The following CDH12 variants were observed in gnomAD, a reference collection of about 807,000 sequenced individuals.
CDH12 encodes the protein cadherin 12.
CDH12 carries 41 observed loss-of-function variants against 74.1 expected under a neutral mutation model. The ratio of observed to expected loss-of-function variants is 0.55; its 90% CI spans 0.43 to 0.72. The LOEUF (loss-of-function observed/expected upper bound fraction) is 0.72. Ranked by LOEUF, CDH12 falls within the 30% of genes least tolerant of loss-of-function variation. CDH12 has a pLI of 0.00. For synonymous variants in CDH12, 399 were observed against 355.0 expected (o/e 1.12, Z -1.39); for missense variants, 945 against 977.2 (o/e 0.97, Z 0.44).
intron 1 of CDH12, among the ~76,000 whole-genome samples, chr5:22,685,009 T>G (rs959288695): frequency 3.3e-5 from 5 of 152,120 alleles, no homozygotes; most frequent in Admixed American, 3.3e-4. Flanking sequence ...TAAAAATAGT[T>G]TTTTGGCAGA....
At chr5:22,653,087 A>T (rs796119007) in intron 1 of CDH12, among the ~76,000 whole-genome samples, 15 of 152,296 alleles carry the variant, frequency 9.8e-5, no homozygotes, top group African/African-American at 3.4e-4. Flanking sequence ...GATATGTCTT[A>T]GTCATATAGC....
intron 1 of CDH12, among the ~76,000 whole-genome samples, chr5:22,816,640 T>C (rs1021325343): frequency 3.3e-5 from 5 of 152,190 alleles, no homozygotes; most frequent in East Asian, 1.9e-4. Context: ...TTCCAACCAC[T>C]TTTAGCATTG....
intron 5 of CDH12, among the ~76,000 whole-genome samples, chr5:21,977,415 A>G (rs529382287): frequency 6.6e-6 from 1 of 152,106 alleles, no homozygotes; most frequent in African/African-American, 2.4e-5. Flanking sequence ...TTTGCTTTCA[A>G]ATTTATCTAA....
chr5:22,207,037 C>T (rs1369689092), intron 4 of CDH12, among the ~76,000 whole-genome samples: 1 of 150,826 alleles, frequency 6.6e-6, no homozygotes, highest in Non-Finnish European at 1.5e-5. Flanking sequence ...CATGGTGAAA[C>T]CCTGTCTCTA....
chr5:22,634,131 A>G (rs1029666590), intron 1 of CDH12, among the ~76,000 whole-genome samples: 4 of 152,172 alleles, frequency 2.6e-5, no homozygotes, highest in Non-Finnish European at 5.9e-5. Context: ...TCAAAATGAT[A>G]TACTAGAATT....
intron 6 of CDH12, among the ~76,000 whole-genome samples, chr5:21,891,572 T>TACACACACACACAC (rs66657734): frequency 0.14 from 20,253 of 144,906 alleles, 1,705 homozygotes; most frequent in Non-Finnish European, 0.19. Context: ...CACACACACA[T>TACACACACACACAC]ACACACACAC....
chr5:22,411,123 A>G (rs1743153058), intron 2 of CDH12, among the ~76,000 whole-genome samples: 1 of 152,036 alleles, frequency 6.6e-6, no homozygotes, highest in Non-Finnish European at 1.5e-5. Flanking sequence ...TATAATGGAA[A>G]TAAAGGCAAG....
rs533076749 is a variant in CDH12, at chr5:22,192,025, T to C, written c.-187+20473A>G. ...ATCTTGGCTCACAGCAACCTCTGCC[T>C]CCAGGATTCAAGTGATTCTCCTGAC... On this transcript the variant is annotated intron_variant, in intron 4 of 14. Coordinates refer to ENST00000382254, the MANE Select transcript of CDH12 (RefSeq NM_004061.5). Among the ~76,000 whole-genome samples, 8 of 152,246 alleles carry C rather than the reference T, an allele frequency of 5.3e-5. No homozygotes were observed. In the South Asian group the frequency reaches 1.7e-3, roughly 32 times the overall value.
At chr5:22,772,181 T>C (rs1335974587) in intron 1 of CDH12, among the ~76,000 whole-genome samples, 1 of 151,938 alleles carries the variant, frequency 6.6e-6, no homozygotes, top group Non-Finnish European at 1.5e-5. Flanking sequence ...GAAATCATAT[T>C]TAAGAAGAGA....
At chr5:22,708,506 A>T (rs1404885931) in intron 1 of CDH12, among the ~76,000 whole-genome samples, 1 of 152,146 alleles carries the variant, frequency 6.6e-6, no homozygotes, top group Non-Finnish European at 1.5e-5. Flanking sequence ...GGGTGGATGG[A>T]GTAAAAGGAA....
chr5:22,288,451 T>C (rs1737249009), intron 3 of CDH12, among the ~76,000 whole-genome samples: 1 of 152,208 alleles, frequency 6.6e-6, no homozygotes, highest in Non-Finnish European at 1.5e-5. Context: ...ATAATGTTTA[T>C]GTTTCTACAT....
intron 4 of CDH12, among the ~76,000 whole-genome samples, chr5:22,097,477 G>T (rs1406837113): frequency 6.6e-6 from 1 of 152,082 alleles, no homozygotes; most frequent in East Asian, 1.9e-4. Context: ...CCATAAATGT[G>T]GTAGGTATTG....
chr5:22,616,011 C>T (rs1561530409), intron 1 of CDH12, among the ~76,000 whole-genome samples: 2 of 152,108 alleles, frequency 1.3e-5, no homozygotes, highest in East Asian at 3.9e-4. Flanking sequence ...TTCTCACTGC[C>T]TTAAACTGAT....
chr5:22,156,310 A>G (rs1165169327), intron 4 of CDH12, among the ~76,000 whole-genome samples: 11 of 152,154 alleles, frequency 7.2e-5, no homozygotes, highest in Non-Finnish European at 1.6e-4. Context: ...AAAGAGAGGT[A>G]CACTTAAATT....
chr5:22,300,068 T>A (rs1485476949), intron 3 of CDH12, among the ~76,000 whole-genome samples: 1 of 152,168 alleles, frequency 6.6e-6, no homozygotes, highest in Non-Finnish European at 1.5e-5. Flanking sequence ...TAGACTGAAA[T>A]CAAGTTAGAA....
intron 2 of CDH12, among the ~76,000 whole-genome samples, chr5:22,421,822 T>G (rs1342327176): frequency 6.6e-6 from 1 of 152,196 alleles, no homozygotes; most frequent in Admixed American, 6.5e-5. Context: ...AAAGCATTCC[T>G]GTTTCCCCAC....
chr5:21,950,557 A>C (rs1755804756), intron 6 of CDH12, among the ~76,000 whole-genome samples: 1 of 151,676 alleles, frequency 6.6e-6, no homozygotes, highest in Non-Finnish European at 1.5e-5. Flanking sequence ...AAAAACAAAA[A>C]TCAAAAACGA....
intron 1 of CDH12, among the ~76,000 whole-genome samples, chr5:22,530,365 CAT>C (rs1737532299): frequency 6.6e-6 from 1 of 152,052 alleles, no homozygotes; most frequent in African/African-American, 2.4e-5. Flanking sequence ...GACAGAAAAT[CAT>C]ATTAAAGTCT....
At chr5:21,879,861 C>T (rs1752148145) in intron 6 of CDH12, among the ~76,000 whole-genome samples, 1 of 152,156 alleles carries the variant, frequency 6.6e-6, no homozygotes, top group Admixed American at 6.5e-5. Flanking sequence ...TTCAGGATCA[C>T]AAGAGGATTC....
Sources: allele counts gnomAD v4.1 joint callset (sites outside exome capture counted in the v4.1 genomes callset), GRCh38; gene constraint gnomAD v4.1.1; transcripts MANE v1.5; gene names NCBI Gene and HGNC (gene_info 2026-07-23, HGNC 2026-07-21).